The following GRK5 variants were observed in gnomAD, a reference collection of about 807,000 sequenced individuals.
GRK5 encodes the protein g protein-coupled receptor kinase GRK5.
In GRK5, 40 loss-of-function variants were observed where a neutral mutation model predicts 78.4. The observed-to-expected ratio is 0.51, with a 90% CI of 0.40 to 0.66. The LOEUF is 0.66. Ranked by LOEUF, GRK5 falls within the 30% of genes least tolerant of loss-of-function variation. The pLI, the probability that GRK5 is intolerant of heterozygous loss-of-function variation, is 0.00. For synonymous variants in GRK5, 289 were observed against 296.8 expected, an observed-to-expected ratio of 0.97 and a Z score of 0.27; for missense variants, 598 against 759.9, an observed-to-expected ratio of 0.79 and a Z score of 2.50.
chr10:119,419,192 G>GTA (rs1337114625), intron 4 of GRK5, among the ~76,000 whole-genome samples: 1 of 152,226 alleles, frequency 6.6e-6, no homozygotes, highest in Non-Finnish European at 1.5e-5. Flanking sequence ...GAAAGACCCA[G>GTA]TGGATGGATC....
intron 1 of GRK5, among the ~76,000 whole-genome samples, chr10:119,290,727 T>C (rs958530710): frequency 2.0e-5 from 3 of 151,964 alleles, no homozygotes; most frequent in African/African-American, 7.3e-5. Context: ...ACATCCCACC[T>C]CCGGGGAGCC....
chr10:119,440,760 AG>A (rs1257161626), intron 10 of GRK5, among the ~76,000 whole-genome samples: 1 of 152,114 alleles, frequency 6.6e-6, no homozygotes, highest in Non-Finnish European at 1.5e-5. Context: ...CATGTTGACC[AG>A]GCTGGTCTCA....
At chr10:119,454,392 G>GGCCCACATATGGGCACCA (rs1449558486) in intron 15 of GRK5, among the ~76,000 whole-genome samples, 1 of 152,138 alleles carries the variant, frequency 6.6e-6, no homozygotes, top group Non-Finnish European at 1.5e-5. Context: ...CACGGGTGGC[G>GGCCCACATATGGGCACCA]GCCCACATAT....
chr10:119,361,942 C>T (rs942060999), intron 2 of GRK5, among the ~76,000 whole-genome samples: 3 of 130,666 alleles, frequency 2.3e-5, no homozygotes, highest in African/African-American at 9.0e-5. Flanking sequence ...GCCTGGGTGA[C>T]AGAGCGAGAC....
intron 2 of GRK5, chr10:119,334,707 T>A (rs532446572): frequency 6.6e-6 from 1 of 152,134 alleles, no homozygotes; most frequent in Non-Finnish European, 1.5e-5. Flanking sequence ...TTAAAAAAAG[T>A]CTGAGGGGGC....
At chr10:119,313,560 C>T (rs1269477008) in intron 1 of GRK5, among the ~76,000 whole-genome samples, 1 of 152,126 alleles carries the variant, frequency 6.6e-6, no homozygotes, top group African/African-American at 2.4e-5. Flanking sequence ...TGCAGTGACA[C>T]CCGCTTACAT....
At chr10:119,249,618 C>A (rs1224481048) in intron 1 of GRK5, among the ~76,000 whole-genome samples, 1 of 152,114 alleles carries the variant, frequency 6.6e-6, no homozygotes, top group East Asian at 1.9e-4. Context: ...TTGTCTCAGC[C>A]TCCTAAGTAG....
chr10:119,292,251 CTCCTCT>C (rs1166270263), intron 1 of GRK5, among the ~76,000 whole-genome samples: 4 of 148,360 alleles, frequency 2.7e-5, no homozygotes, highest in African/African-American at 5.0e-5. Context: ...CCTCCTTCCC[CTCCTCT>C]TCCTCTTCCT....
chr10:119,354,512 C>T (rs1253685944), intron 2 of GRK5, among the ~76,000 whole-genome samples: 2 of 151,806 alleles, frequency 1.3e-5, no homozygotes, highest in Admixed American at 6.6e-5. Flanking sequence ...ATTGACCCTC[C>T]CACCTCAGCC....
rs182178306 is a variant in GRK5, at chr10:119,281,196, G to A, written c.53-45320G>A. On this transcript the variant is annotated intron_variant, in intron 1 of 15. Coordinates refer to ENST00000392870, the MANE Select transcript of GRK5 (RefSeq NM_005308.3). The stretch of plus-strand genomic sequence containing the variant: ...CTAGATGGATTTGCCACCATGTGCT[G>A]CCTCCATGCTTGGGCTGGGTCATTC... 9.2e-4 allele frequency among the ~76,000 whole-genome samples: 122 copies of A among 132,506 alleles called. 2 individuals are homozygous for A. The East Asian group carries it at 0.022, about 24-fold the overall frequency. 86.9% of individuals were successfully genotyped at this position (132,506 alleles called of 152,430 possible). A position where few individuals can be genotyped will look rare whatever the true frequency, so the allele number is the denominator to read the frequency against.
chr10:119,289,204 G>A (rs1227149904), intron 1 of GRK5, among the ~76,000 whole-genome samples: 1 of 152,142 alleles, frequency 6.6e-6, no homozygotes, highest in Non-Finnish European at 1.5e-5. Flanking sequence ...TTTGTTTTGG[G>A]TGCTAAGGGG....
chr10:119,209,619 C>T (rs190647341), intron 1 of GRK5, among the ~76,000 whole-genome samples: 2 of 151,446 alleles, frequency 1.3e-5, no homozygotes, highest in East Asian at 3.9e-4. Context: ...AAACAGCCCT[C>T]CACCTCCCCC....
At chr10:119,454,195 C>T (rs1248825531) in intron 15 of GRK5, among the ~76,000 whole-genome samples, 1 of 152,190 alleles carries the variant, frequency 6.6e-6, no homozygotes, top group Admixed American at 6.5e-5. Context: ...ATGACCTCTC[C>T]CTCCCCTGAT....
At chr10:119,246,879 C>T (rs567774406) in intron 1 of GRK5, among the ~76,000 whole-genome samples, 3 of 152,284 alleles carry the variant, frequency 2.0e-5, no homozygotes, top group East Asian at 1.9e-4. Flanking sequence ...CTGGTCTCCT[C>T]GTGGATTTGC....
intron 4 of GRK5, among the ~76,000 whole-genome samples, chr10:119,401,637 G>A (rs1589789588): frequency 6.6e-6 from 1 of 152,224 alleles, no homozygotes; most frequent in East Asian, 1.9e-4. Flanking sequence ...AAAGCAGCAA[G>A]TACTGAGCAT....
chr10:119,291,198 G>A (rs2133703486), intron 1 of GRK5, among the ~76,000 whole-genome samples: 1 of 152,278 alleles, frequency 6.6e-6, no homozygotes, highest in East Asian at 1.9e-4. Flanking sequence ...CATGTTTCGT[G>A]TAGACTGATC....
In GRK5 at chr10:119,457,880, G is replaced by T. The variant is rs1023228079; in HGVS notation, c.*2813G>T. On this transcript the variant is annotated 3_prime_UTR_variant, in exon 16 of 16. Coordinates refer to ENST00000392870, the MANE Select transcript of GRK5 (RefSeq NM_005308.3). Reference sequence around the variant, plus strand: ...TTTTAAAATTTTTTGTAGAGATGGGGGGGGGGTCTCCCCATGTTGCCCAGG... The same window carrying T: ...TTTTAAAATTTTTTGTAGAGATGGGTGGGGGGTCTCCCCATGTTGCCCAGG... The T allele has an allele frequency of 2.6e-5, 4 of 151,008 alleles. No individual in the cohort carries two copies. Among genetic ancestry groups the T allele is most frequent in the African/African-American group, 4.9e-5 (2 of 41,082 alleles). 9.4% of individuals were successfully genotyped at this position (151,008 alleles called of 1,614,324 possible).
At chr10:119,361,441 C>T (rs1056589953) in intron 2 of GRK5, among the ~76,000 whole-genome samples, 10 of 152,194 alleles carry the variant, frequency 6.6e-5, no homozygotes, top group Non-Finnish European at 1.2e-4. Context: ...GAGAACCTGC[C>T]GCGTAGTAGG....
intron 1 of GRK5, among the ~76,000 whole-genome samples, chr10:119,274,340 A>C (rs1393147435): frequency 6.6e-6 from 1 of 152,202 alleles, no homozygotes; most frequent in Non-Finnish European, 1.5e-5. Flanking sequence ...CTAGCGACTG[A>C]TAAGTGTTCA....
Sources: gnomAD v4.1 joint callset for allele counts (sites outside exome capture counted in the v4.1 genomes callset) on GRCh38, gnomAD v4.1.1 for gene constraint, MANE v1.5 for transcripts, NCBI Gene and HGNC (gene_info 2026-07-23, HGNC 2026-07-21) for gene names.